Variants in IL23R observed in about 807,000 individuals in gnomAD.
The protein encoded by IL23R is interleukin-23 receptor.
IL23R carries 34 observed loss-of-function variants against 56.9 expected under a neutral mutation model. That is an observed-to-expected ratio of 0.60 (90% CI 0.45 to 0.80). IL23R has a LOEUF of 0.80. IL23R is among the 30% of genes least tolerant of loss of function. The pLI is 0.00. For missense variants in IL23R, 635 were observed against 730.0 expected, an observed-to-expected ratio of 0.87 and a Z score of 1.50; for synonymous variants, 230 against 249.2, an observed-to-expected ratio of 0.92 and a Z score of 0.73.
chr1:67,156,428 G>A (rs1456431808), intron 1 of IL23R, among the ~76,000 whole-genome samples: 1 of 152,178 alleles, frequency 6.6e-6, no homozygotes, highest in Non-Finnish European at 1.5e-5. Context: ...CTCCCTCCAG[G>A]TGTTCTGTCC....
intron 9 of IL23R, among the ~76,000 whole-genome samples, chr1:67,243,175 C>T (rs543552743): frequency 1.3e-5 from 2 of 152,116 alleles, no homozygotes; most frequent in Admixed American, 6.5e-5. Flanking sequence ...CTCTTGAATA[C>T]CAGTTGTTTC....
intron 7 of IL23R, among the ~76,000 whole-genome samples, chr1:67,235,276 C>G (rs867222844): frequency 6.6e-6 from 1 of 152,198 alleles, no homozygotes; most frequent in African/African-American, 2.4e-5. Context: ...ACAAAAAACA[C>G]GGGAAATAAC....
intron 5 of IL23R, among the ~76,000 whole-genome samples, chr1:67,203,619 CCCCAGCCAACAA>C (rs1167571452): frequency 8.5e-5 from 13 of 152,168 alleles, no homozygotes; most frequent in Admixed American, 2.0e-4. Context: ...GTATAGGAGG[CCCCAGCCAACAA>C]AACCACCAGA....
intron 4 of IL23R, among the ~76,000 whole-genome samples, chr1:67,185,471 G>A (rs1162672935): frequency 1.3e-5 from 2 of 151,706 alleles, no homozygotes; most frequent in Non-Finnish European, 1.5e-5. Flanking sequence ...TTTGAGCCAC[G>A]GTCTCTGTCG....
intron 4 of IL23R, among the ~76,000 whole-genome samples, chr1:67,198,371 G>A (rs1305055394): frequency 1.3e-5 from 2 of 152,206 alleles, no homozygotes; most frequent in Non-Finnish European, 2.9e-5. Context: ...TTTAAAAACA[G>A]AGGCTCAAAC....
At chr1:67,160,529 C>A (rs1321919550) in intron 1 of IL23R, among the ~76,000 whole-genome samples, 1 of 152,158 alleles carries the variant, frequency 6.6e-6, no homozygotes, top group Non-Finnish European at 1.5e-5. Context: ...ATTTGCAAAC[C>A]AGACTATCTT....
At chr1:67,205,369 A>C (rs746834142) in intron 5 of IL23R, among the ~76,000 whole-genome samples, 5 of 152,250 alleles carry the variant, frequency 3.3e-5, no homozygotes, top group Non-Finnish European at 7.3e-5. Flanking sequence ...AAGTTTTATA[A>C]ACCTAGAATA....
intron 7 of IL23R, among the ~76,000 whole-genome samples, chr1:67,231,599 A>G (rs535391676): frequency 6.6e-6 from 1 of 152,302 alleles, no homozygotes; most frequent in East Asian, 1.9e-4. Flanking sequence ...GTTTGAAACC[A>G]CCTAGCTATA....
chr1:67,179,916 T>C lies in IL23R; in HGVS notation c.368-2920T>C, dbSNP rs111854646. On this transcript the variant is annotated intron_variant, in intron 3 of 10. Coordinates refer to ENST00000347310, the MANE Select transcript of IL23R (RefSeq NM_144701.3). ...AGGAGCAGGTTGTTCAGTTTCCATG[T>C]AGTTGAGCAGTTTTGAGTGAGTTTC... Among the ~76,000 whole-genome samples the C allele has an allele frequency of 3.0e-4, 46 of 152,332 alleles. No individual in the cohort carries two copies. The East Asian group carries it at 7.3e-3, about 24-fold the overall frequency.
Position 67,259,454 on chromosome 1 carries a change from G to C in IL23R, c.*326G>C, listed in dbSNP as rs1443871279. 5.8e-6 allele frequency: 2 copies of C among 346,490 alleles called. No homozygotes were observed. The highest frequency in any genetic ancestry group is 4.2e-5 in the African/African-American group (2 of 47,150). 21.5% of individuals were successfully genotyped at this position (346,490 alleles called of 1,614,324 possible). A position where few individuals can be genotyped will look rare whatever the true frequency, so the allele number is the denominator to read the frequency against. ...TTCTGCCTCATTTCTTAAAATTAGA[G>C]AATTAAGGTCCCGAAGGTGGAACAT... On this transcript the variant is annotated 3_prime_UTR_variant, in exon 11 of 11. Transcript: ENST00000347310.
intron 7 of IL23R, among the ~76,000 whole-genome samples, chr1:67,225,534 T>C (rs1490133290): frequency 6.6e-6 from 1 of 150,590 alleles, no homozygotes. Flanking sequence ...TTTTTTTTGA[T>C]ACAGTCTCGC....
At chr1:67,217,640 G>A (rs1570868934) in intron 6 of IL23R, among the ~76,000 whole-genome samples, 1 of 151,194 alleles carries the variant, frequency 6.6e-6, no homozygotes, top group Non-Finnish European at 1.5e-5. Context: ...TATTAACATT[G>A]CAGAAAATTT....
chr1:67,227,958 CTTTCTTTCTT>C (rs1650752689), intron 7 of IL23R, among the ~76,000 whole-genome samples: 2 of 35,948 alleles, frequency 5.6e-5, no homozygotes, highest in Non-Finnish European at 1.3e-4. Context: ...TTCTTTCTTT[CTTTCTTTCTT>C]TCTTTCTTTC....
At chr1:67,155,168 C>T (rs1348588232) in intron 1 of IL23R, among the ~76,000 whole-genome samples, 1 of 152,218 alleles carries the variant, frequency 6.6e-6, no homozygotes, top group Admixed American at 6.5e-5. Flanking sequence ...TGCTGTTAGT[C>T]TGATGGGCTT....
chr1:67,200,394 T>C (rs1028863743), intron 4 of IL23R, among the ~76,000 whole-genome samples: 1 of 151,682 alleles, frequency 6.6e-6, no homozygotes, highest in Non-Finnish European at 1.5e-5. Context: ...TCAAACTTTT[T>C]TTCTTTTTTT....
chr1:67,212,376 C>A (rs991600131), intron 6 of IL23R, among the ~76,000 whole-genome samples: 11 of 152,156 alleles, frequency 7.2e-5, no homozygotes, highest in African/African-American at 2.7e-4. Flanking sequence ...TGGGAGGATA[C>A]CAAAGATTAC....
chr1:67,182,864 C>G lies in IL23R; in HGVS notation c.396C>G (p.Thr132=), dbSNP rs1558232642. 1 of 1,614,058 alleles carries G rather than the reference C, an allele frequency of 6.2e-7. No homozygotes were observed. The highest frequency in any genetic ancestry group is 8.5e-7 in the Non-Finnish European group (1 of 1,179,966). The part of the protein sequence containing the change: ...GYPPDIPDEV[T]CVIYEYSGNM... ...CGCCAGATATTCCTGATGAAGTAAC[C>G]TGTGTCATTTATGAATATTCAGGCA... Residue 132 remains threonine, a synonymous_variant, in exon 4 of 11, where the codon ACC becomes ACG. Transcript: ENST00000347310.
At position 67,218,422 on chromosome 1, in the gene IL23R, C is replaced by A. The variant is rs111672987; in HGVS notation, c.799-1152C>A. 3.0e-3 allele frequency among the ~76,000 whole-genome samples: 443 copies of A among 149,998 alleles called. 6 individuals are homozygous for A. Among genetic ancestry groups the A allele is most frequent in the African/African-American group, 0.01 (420 of 40,606 alleles). On this transcript the variant is annotated intron_variant, in intron 6 of 10. Coordinates refer to ENST00000347310, the MANE Select transcript of IL23R (RefSeq NM_144701.3). ...AATCTGCAATAACCTGCAATGAGGACCAACTTACAGCTTAGCTTATAGGTA... is the reference window on the plus strand; with the variant it reads ...AATCTGCAATAACCTGCAATGAGGAACAACTTACAGCTTAGCTTATAGGTA...
At chr1:67,236,151 G>T (rs1190047452) in intron 7 of IL23R, among the ~76,000 whole-genome samples, 1 of 152,160 alleles carries the variant, frequency 6.6e-6, no homozygotes, top group Non-Finnish European at 1.5e-5. Flanking sequence ...ACTAGACCAG[G>T]CTGCCAGGAA....
Sources: allele counts gnomAD v4.1 joint callset (sites outside exome capture counted in the v4.1 genomes callset), GRCh38; gene constraint gnomAD v4.1.1; transcripts MANE v1.5; gene names NCBI Gene and HGNC (gene_info 2026-07-23, HGNC 2026-07-21).